DOCK2: variants seen among roughly 807,000 people sequenced by gnomAD.
The protein encoded by DOCK2 is dedicator of cytokinesis protein 2.
Under a neutral mutation model 248.9 loss-of-function variants are expected in DOCK2, and 87 were observed. The observed-to-expected ratio is 0.35, with a 90% confidence interval of 0.29 to 0.42. The LOEUF (loss-of-function observed/expected upper bound fraction) is 0.42, where lower values mean the gene tolerates loss of function less well. Ranked by LOEUF, DOCK2 falls within the 10% of genes least tolerant of loss-of-function variation. The pLI is 1.00. For missense variants in DOCK2, 1,747 were observed against 2,300.2 expected (o/e 0.76, Z 4.92); for synonymous variants, 805 against 821.6 (o/e 0.98, Z 0.35).
chr5:170,068,235 C>T (rs775654622), intron 45 of DOCK2, among the ~76,000 whole-genome samples: 6 of 152,052 alleles, frequency 3.9e-5, no homozygotes, highest in South Asian at 2.1e-4. Flanking sequence ...CTGGTGTTCA[C>T]GGCAAAAAAG....
At chr5:169,849,601 G>GA (rs1170766653) in intron 27 of DOCK2, among the ~76,000 whole-genome samples, 1 of 152,234 alleles carries the variant, frequency 6.6e-6, no homozygotes, top group African/African-American at 2.4e-5. Context: ...ATATGTTTAG[G>GA]ATTGATCTCC....
intron 25 of DOCK2, among the ~76,000 whole-genome samples, chr5:169,795,412 G>A (rs563955957): frequency 2.0e-5 from 3 of 152,290 alleles, no homozygotes; most frequent in South Asian, 2.1e-4. Context: ...CGTAGATGGC[G>A]CCGGAGGCTC....
At chr5:169,694,233 A>C (rs1196666254) in intron 9 of DOCK2, among the ~76,000 whole-genome samples, 4 of 152,216 alleles carry the variant, frequency 2.6e-5, no homozygotes, top group Non-Finnish European at 5.9e-5. Context: ...CCCAGTGCAT[A>C]TGCCCATATG....
chr5:169,777,176 C>T (rs1239542119), intron 25 of DOCK2, among the ~76,000 whole-genome samples: 2 of 152,178 alleles, frequency 1.3e-5, no homozygotes, highest in East Asian at 3.9e-4. Flanking sequence ...TGCATGCACA[C>T]ACACACAGAG....
chr5:169,949,564 G>T (rs536910281), intron 27 of DOCK2, among the ~76,000 whole-genome samples: 3 of 151,880 alleles, frequency 2.0e-5, no homozygotes, highest in Non-Finnish European at 4.4e-5. Context: ...GGTACCCAGA[G>T]GCGGGGGAGC....
At chr5:170,052,547 G>A (rs1441811008) in intron 41 of DOCK2, among the ~76,000 whole-genome samples, 2 of 152,208 alleles carry the variant, frequency 1.3e-5, no homozygotes, top group African/African-American at 4.8e-5. Flanking sequence ...CCTCTAAGGG[G>A]AGTGTTAATT....
At chr5:170,057,930 G>C (rs1757192591) in intron 44 of DOCK2, among the ~76,000 whole-genome samples, 1 of 151,780 alleles carries the variant, frequency 6.6e-6, no homozygotes, top group Non-Finnish European at 1.5e-5. Flanking sequence ...GGGAGCTTCT[G>C]TTGGGTGGGT....
chr5:170,005,412 C>T (rs1468257403), intron 30 of DOCK2, among the ~76,000 whole-genome samples: 2 of 152,120 alleles, frequency 1.3e-5, no homozygotes, highest in Non-Finnish European at 2.9e-5. Flanking sequence ...GATTTGGGTA[C>T]TTGTGGAGCT....
Position 169,840,764 on chromosome 5 carries a change from C to T in DOCK2, c.2711C>T (p.Thr904Ile), listed in dbSNP as rs746173857. 3.1e-6 allele frequency: 5 copies of T among 1,613,916 alleles called. No homozygotes were observed. In the East Asian group the frequency reaches 8.9e-5, roughly 29 times the overall value. The stretch of plus-strand genomic sequence containing the variant: ...TCTCTGACTGTTTTACAGGCCTTCA[C>T]CTACCACCATATCCAGGAGATCATG... Reference protein sequence around the residue: ...EVLSYQDAAFTYHHIQEIMVQ... With the variant: ...EVLSYQDAAFIYHHIQEIMVQ... Residue 904 changes from threonine to isoleucine, a missense_variant, in exon 27 of 52, where the codon ACC becomes ATC. Physicochemically the swap from Thr to Ile is moderately conservative, Grantham distance 89 (BLOSUM62 -1). This residue lies in a region of DOCK2 where 858 missense variants were observed against 1,183.5 expected (regional missense o/e 0.72). Transcript: ENST00000520908.
chr5:169,639,202 T>C (rs1033860921), intron 1 of DOCK2, among the ~76,000 whole-genome samples: 1 of 152,152 alleles, frequency 6.6e-6, no homozygotes, highest in Non-Finnish European at 1.5e-5. Context: ...GGTAACAGTT[T>C]TACCTGTCTG....
intron 27 of DOCK2, among the ~76,000 whole-genome samples, chr5:169,887,368 GA>G (rs1460954032): frequency 2.0e-5 from 3 of 151,966 alleles, no homozygotes; most frequent in Non-Finnish European, 2.9e-5. Flanking sequence ...ACAACAAAAG[GA>G]AGAAAAAAAT....
At chr5:169,935,133 A>G (rs916762095) in intron 27 of DOCK2, among the ~76,000 whole-genome samples, 1 of 152,230 alleles carries the variant, frequency 6.6e-6, no homozygotes, top group Admixed American at 6.5e-5. Context: ...AGGACTGGCC[A>G]GCACTGTGGA....
intron 25 of DOCK2, among the ~76,000 whole-genome samples, chr5:169,796,645 C>A (rs550628508): frequency 6.6e-6 from 1 of 152,048 alleles, no homozygotes; most frequent in Non-Finnish European, 1.5e-5. Flanking sequence ...GGAAATATAT[C>A]GAAATATATT....
At chr5:170,038,793 G>A (rs1033169474) in intron 36 of DOCK2, among the ~76,000 whole-genome samples, 11 of 152,206 alleles carry the variant, frequency 7.2e-5, no homozygotes, top group African/African-American at 2.7e-4. Context: ...ACAAGGAAGA[G>A]GAGAGGGTGC....
At chr5:170,030,941 A>C (rs1171600613) in intron 34 of DOCK2, among the ~76,000 whole-genome samples, 2 of 152,238 alleles carry the variant, frequency 1.3e-5, no homozygotes, top group African/African-American at 4.8e-5. Context: ...AGCCTTGCAT[A>C]GGAACACAAG....
chr5:169,729,499 G>A (rs1762652925), intron 22 of DOCK2, among the ~76,000 whole-genome samples: 1 of 152,140 alleles, frequency 6.6e-6, no homozygotes, highest in Admixed American at 6.5e-5. Flanking sequence ...CCCACATACA[G>A]GAGAGACATA....
chr5:169,654,604 T>C, intron 2 of DOCK2, 118 bp downstream of exon 2: 1 of 955,968 alleles, frequency 1.0e-6, no homozygotes. Flanking sequence ...TTAAAAACGT[T>C]TTGGTAACGC....
chr5:169,647,540 G>A (rs1757537248), intron 1 of DOCK2, among the ~76,000 whole-genome samples: 1 of 152,136 alleles, frequency 6.6e-6, no homozygotes, highest in African/African-American at 2.4e-5. Flanking sequence ...AATAAATAGA[G>A]TACTCTTGAA....
At chr5:169,822,544 G>A (rs1202673159) in intron 26 of DOCK2, among the ~76,000 whole-genome samples, 1 of 152,158 alleles carries the variant, frequency 6.6e-6, no homozygotes, top group African/African-American at 2.4e-5. Context: ...AATGAAGGCA[G>A]AAATAAAGAT....
Sources: gnomAD v4.1 joint callset for allele counts (sites outside exome capture counted in the v4.1 genomes callset) on GRCh38, gnomAD v4.1.1 for gene constraint, gnomAD v4.1.1 regional missense constraint, MANE v1.5 for transcripts, NCBI Gene and HGNC (gene_info 2026-07-23, HGNC 2026-07-21) for gene names.